The following ATP2B1 variants were observed in gnomAD, a reference collection of about 807,000 sequenced individuals.
The protein encoded by ATP2B1 is ATPase plasma membrane Ca2+ transporting 1.
In ATP2B1, 14 loss-of-function variants were observed where a neutral mutation model predicts 124.2. That is an observed-to-expected ratio of 0.11 (90% confidence interval 0.07 to 0.18). The LOEUF (loss-of-function observed/expected upper bound fraction) is 0.18. Among genes scored for constraint, ATP2B1 ranks in the 10% least tolerant of loss-of-function variants. The pLI is 1.00. For synonymous variants in ATP2B1, 449 were observed against 492.4 expected (o/e 0.91, Z 1.17); for missense variants, 763 against 1,466.1 (o/e 0.52, Z 7.83).
intron 1 of ATP2B1, among the ~76,000 whole-genome samples, chr12:89,667,833 G>T (rs1162777808): frequency 3.3e-5 from 5 of 152,144 alleles, no homozygotes; most frequent in Non-Finnish European, 7.4e-5. Context: ...TACAGATTCG[G>T]TGCTATTCCT....
intron 2 of ATP2B1, 133 bp from the exon 3 acceptor site, chr12:89,642,488 G>C (rs1055911309): frequency 1.0e-5 from 9 of 872,634 alleles, no homozygotes; most frequent in South Asian, 5.2e-5. Context: ...TAAGTGTACA[G>C]AATTTAAATC....
chr12:89,620,292 T>G, intron 10 of ATP2B1, 52 bp from the exon 11 acceptor site: 1 of 1,581,266 alleles, frequency 6.3e-7, no homozygotes, highest in African/African-American at 1.4e-5. Context: ...TAAGAACGTT[T>G]AATTTATAAT....
intron 1 of ATP2B1, among the ~76,000 whole-genome samples, chr12:89,679,592 G>C (rs1334048401): frequency 6.6e-6 from 1 of 152,088 alleles, no homozygotes. Flanking sequence ...ACAGCAAGTG[G>C]AGTACCACAA....
intron 1 of ATP2B1, among the ~76,000 whole-genome samples, chr12:89,659,739 G>A (rs1298246476): frequency 6.6e-6 from 1 of 151,846 alleles, no homozygotes; most frequent in African/African-American, 2.4e-5. Flanking sequence ...TGGCTAACAC[G>A]GTGAAACCCC....
chr12:89,633,443 A>C (rs1882204726), intron 5 of ATP2B1, among the ~76,000 whole-genome samples: 1 of 151,304 alleles, frequency 6.6e-6, no homozygotes, highest in African/African-American at 2.4e-5. Context: ...CTAATGTTCT[A>C]AGTGGCACAG....
At position 89,620,004 on chromosome 12, in the gene ATP2B1, C is replaced by T. The variant is rs1384552368; in HGVS notation, c.1824G>A (p.Leu608=). Residue 608 remains leucine (L), a synonymous_variant, in exon 11 of 21, where the codon CTG becomes CTA. Transcript: ENST00000428670. ...TCCAAGCATTTTACTCTTACTTTTT[C>T]AGAATTATCTCAGATGCACCCTTGC... ...IFSKGASEII[L]KKCFKILSAN... 1 of 1,613,114 alleles carries T rather than the reference C, an allele frequency of 6.2e-7. No individual in the cohort carries two copies. Among genetic ancestry groups the T allele is most frequent in the African/African-American group, 1.3e-5 (1 of 74,996 alleles).
At chr12:89,637,629 C>A (rs551376894) in intron 3 of ATP2B1, among the ~76,000 whole-genome samples, 8 of 152,142 alleles carry the variant, frequency 5.3e-5, no homozygotes, top group South Asian at 2.1e-4. Context: ...GAACTCCTGG[C>A]CTCAAGCAAT....
intron 12 of ATP2B1, among the ~76,000 whole-genome samples, chr12:89,615,586 A>C (rs2136040252): frequency 6.6e-6 from 1 of 152,334 alleles, no homozygotes; most frequent in Non-Finnish European, 1.5e-5. Context: ...AAAGTCACTG[A>C]ACAAAAGTGG....
intron 1 of ATP2B1, among the ~76,000 whole-genome samples, chr12:89,661,460 T>C (rs1048818527): frequency 6.6e-6 from 1 of 152,200 alleles, no homozygotes; most frequent in South Asian, 2.1e-4. Context: ...AATTGTCTAC[T>C]TCCAAAATGG....
intron 8 of ATP2B1, among the ~76,000 whole-genome samples, chr12:89,625,336 C>A (rs2136114264): frequency 6.6e-6 from 1 of 152,170 alleles, no homozygotes; most frequent in East Asian, 1.9e-4. Flanking sequence ...GTAATCCCAG[C>A]ACTTTGGGAA....
intron 1 of ATP2B1, among the ~76,000 whole-genome samples, chr12:89,676,052 A>G (rs1331306707): frequency 6.6e-6 from 1 of 152,114 alleles, no homozygotes; most frequent in African/African-American, 2.4e-5. Context: ...GTAAAACACA[A>G]AATCCAAGCT....
intron 3 of ATP2B1, among the ~76,000 whole-genome samples, chr12:89,639,801 A>G (rs1018198721): frequency 4.6e-5 from 7 of 152,170 alleles, no homozygotes; most frequent in Non-Finnish European, 8.8e-5. Flanking sequence ...CAAAGGAAGC[A>G]GTTTGAATTC....
chr12:89,650,988 T>C (rs991053932), intron 2 of ATP2B1, among the ~76,000 whole-genome samples: 1 of 152,240 alleles, frequency 6.6e-6, no homozygotes, highest in African/African-American at 2.4e-5. Context: ...AGTGCATTCT[T>C]GGATTCTGAG....
In ATP2B1 at chr12:89,681,499, GCCT is replaced by G. The variant is rs534837632; in HGVS notation, c.-221-25395_-221-25393del. The stretch of plus-strand genomic sequence containing the variant: ...AGACTCAAGTGATTCTCGTGCCTCA[GCCT>G]CCTGAGTGGCTGGGATTACAGACGT... On this transcript the variant is annotated intron_variant, in intron 1 of 20. Transcript: ENST00000428670. Among the ~76,000 whole-genome samples the G allele has an allele frequency of 2.2e-3, 329 of 151,680 alleles. 1 individual carries two copies. The highest frequency in any genetic ancestry group is 7.7e-3 in the African/African-American group (318 of 41,332).
At chr12:89,617,367 T>C (rs554101224) in intron 11 of ATP2B1, among the ~76,000 whole-genome samples, 1 of 152,288 alleles carries the variant, frequency 6.6e-6, no homozygotes, top group South Asian at 2.1e-4. Flanking sequence ...CTTCACCATT[T>C]TGGTACAGAA....
chr12:89,653,211 G>A (rs575236516), intron 2 of ATP2B1, among the ~76,000 whole-genome samples: 14 of 150,398 alleles, frequency 9.3e-5, no homozygotes, highest in Middle Eastern at 6.9e-3. Context: ...AACTGTCTAC[G>A]AATTAGAGAG....
At position 89,589,629 on chromosome 12, in the gene ATP2B1, A is replaced by T. The variant is rs1873195629; in HGVS notation, c.*1355T>A. 1 of 152,020 alleles carries T rather than the reference A, an allele frequency of 6.6e-6. No homozygotes were observed. The highest frequency in any genetic ancestry group is 1.5e-5 in the Non-Finnish European group (1 of 67,986). The allele number at this position is 152,020 out of a possible 1,614,324, so 9.4% of individuals were successfully genotyped here. A position where few individuals can be genotyped will look rare whatever the true frequency, so the allele number is the denominator to read the frequency against. ...TATGTCAAATGGTAAAATTGTGTTA[A>T]TTTTCTTAATCTGATTCTATTAGAT... On this transcript the variant is annotated 3_prime_UTR_variant, in exon 21 of 21. Coordinates refer to ENST00000428670, the MANE Select transcript of ATP2B1 (RefSeq NM_001366521.1).
chr12:89,620,954 C>T (rs1879859727), intron 10 of ATP2B1, among the ~76,000 whole-genome samples: 2 of 152,116 alleles, frequency 1.3e-5, no homozygotes, highest in South Asian at 2.1e-4. Flanking sequence ...GATTTTCATC[C>T]ATAAATCACT....
intron 1 of ATP2B1, among the ~76,000 whole-genome samples, chr12:89,679,312 A>C (rs1220386923): frequency 6.6e-6 from 1 of 152,194 alleles, no homozygotes; most frequent in Non-Finnish European, 1.5e-5. Context: ...CTGACCCTTT[A>C]CAAAAATATT....
Sources: gnomAD v4.1 joint callset for allele counts (sites outside exome capture counted in the v4.1 genomes callset) on GRCh38, gnomAD v4.1.1 for gene constraint, MANE v1.5 for transcripts, NCBI Gene and HGNC (gene_info 2026-07-23, HGNC 2026-07-21) for gene names.